ACER3: variants seen among roughly 807,000 people sequenced by gnomAD.
The protein encoded by ACER3 is alkCDase 3.
A neutral mutation model predicts 48.9 loss-of-function variants in ACER3; 16 were observed. That is an observed-to-expected ratio of 0.33 (90% CI 0.22 to 0.50). The LOEUF is 0.50. ACER3 is among the 20% of genes least tolerant of loss of function. The pLI is 0.98. For synonymous variants in ACER3, 109 were observed against 107.8 expected (o/e 1.01, Z -0.07); for missense variants, 227 against 326.0 (o/e 0.70, Z 2.34).
intron 2 of ACER3, among the ~76,000 whole-genome samples, chr11:76,946,356 C>T (rs991540610): frequency 6.6e-6 from 1 of 151,252 alleles, no homozygotes; most frequent in Non-Finnish European, 1.5e-5. Flanking sequence ...GTGGGGAGTA[C>T]GATCTGCTTG....
At chr11:76,861,249 G>A (rs1944930836) in intron 1 of ACER3, among the ~76,000 whole-genome samples, 170 bp downstream of exon 1, 1 of 151,370 alleles carries the variant, frequency 6.6e-6, no homozygotes. Context: ...AGCGGGCCGG[G>A]AGTCCAGTGT....
chr11:76,919,324 A>G (rs569644085), intron 1 of ACER3, among the ~76,000 whole-genome samples: 1 of 152,216 alleles, frequency 6.6e-6, no homozygotes, highest in East Asian at 1.9e-4. Flanking sequence ...CTTCATTCAC[A>G]ATTCTCTTAA....
intron 2 of ACER3, among the ~76,000 whole-genome samples, chr11:76,934,706 CGGG>C (rs1391200671): frequency 1.6e-5 from 2 of 124,344 alleles, no homozygotes; most frequent in African/African-American, 1.2e-4. Context: ...CGTGGGGAGA[CGGG>C]AGAGGGAGGG....
chr11:77,016,819 G>GT, intron 9 of ACER3, 40 bp downstream of exon 9: 8 of 1,094,166 alleles, frequency 7.3e-6, no homozygotes, highest in Non-Finnish European at 7.7e-6. Context: ...ACTAGAGTTT[G>GT]TTGTTTTTTT....
intron 6 of ACER3, 36 bp from the exon 7 acceptor site, chr11:76,998,727 A>T (rs979198659): frequency 1.1e-5 from 16 of 1,505,722 alleles, no homozygotes; most frequent in Non-Finnish European, 1.2e-5. Context: ...CCAAACAATA[A>T]TGATTGTACT....
chr11:76,868,295 C>A (rs543058137), intron 1 of ACER3: 1 of 1,271,464 alleles, frequency 7.9e-7, no homozygotes, highest in African/African-American at 1.5e-5. Flanking sequence ...CAAATTATAA[C>A]TCAAAAGTTC....
intron 1 of ACER3, among the ~76,000 whole-genome samples, chr11:76,868,917 G>A (rs1590856995): frequency 6.6e-6 from 1 of 152,228 alleles, no homozygotes; most frequent in East Asian, 1.9e-4. Context: ...ATGGTGCTGC[G>A]CTCCAAATCT....
intron 1 of ACER3, among the ~76,000 whole-genome samples, chr11:76,878,057 T>G (rs776796421): frequency 5.3e-5 from 8 of 152,084 alleles, no homozygotes; most frequent in Non-Finnish European, 5.9e-5. Flanking sequence ...TATGAATACA[T>G]TCATTTATCC....
intron 2 of ACER3, among the ~76,000 whole-genome samples, chr11:76,928,775 G>A (rs1475555581): frequency 3.3e-5 from 5 of 152,120 alleles, no homozygotes; most frequent in Non-Finnish European, 5.9e-5. Flanking sequence ...GGTTGTAGAT[G>A]TGTGGTATTA....
At chr11:76,972,628 A>C (rs981934305) in intron 3 of ACER3, among the ~76,000 whole-genome samples, 4 of 152,304 alleles carry the variant, frequency 2.6e-5, no homozygotes, top group Admixed American at 6.5e-5. Context: ...CTTTTCTGTG[A>C]CACCCTGATC....
At chr11:76,976,366 T>G (rs1288600182) in intron 4 of ACER3, 25 bp downstream of exon 4, 2 of 1,431,478 alleles carry the variant, frequency 1.4e-6, no homozygotes, top group Non-Finnish European at 1.9e-6. Flanking sequence ...AATTTCATTG[T>G]TTGATTTATT....
intron 2 of ACER3, among the ~76,000 whole-genome samples, chr11:76,928,684 G>A (rs1371890627): frequency 6.6e-6 from 1 of 152,172 alleles, no homozygotes; most frequent in Non-Finnish European, 1.5e-5. Flanking sequence ...CATATGGCTA[G>A]CCAGTTTCCC....
At chr11:76,868,135 C>G in intron 1 of ACER3, 1 of 1,289,754 alleles carries the variant, frequency 7.8e-7, no homozygotes, top group Non-Finnish European at 1.0e-6. Flanking sequence ...TTCCTACCAT[C>G]CTCCCTGAAG....
At chr11:76,986,159 G>T (rs937030859) in intron 5 of ACER3, among the ~76,000 whole-genome samples, 1 of 151,986 alleles carries the variant, frequency 6.6e-6, no homozygotes, top group Non-Finnish European at 1.5e-5. Flanking sequence ...CAAGTAAATT[G>T]CATTTTATAT....
chr11:76,882,633 T>C (rs138928548), intron 1 of ACER3, among the ~76,000 whole-genome samples: 159 of 152,346 alleles, frequency 1.0e-3, no homozygotes, highest in African/African-American at 3.6e-3. Flanking sequence ...TCAATTGATA[T>C]TCTTTTCTCG....
At chr11:76,989,909 C>A (rs1948763994) in intron 5 of ACER3, among the ~76,000 whole-genome samples, 1 of 152,146 alleles carries the variant, frequency 6.6e-6, no homozygotes, top group African/African-American at 2.4e-5. Context: ...GAACCTACAA[C>A]TAGGGTTTGT....
chr11:76,970,142 A>C (rs1033373262), intron 3 of ACER3, among the ~76,000 whole-genome samples: 1 of 152,084 alleles, frequency 6.6e-6, no homozygotes, highest in African/African-American at 2.4e-5. Context: ...AGTTGTGCCT[A>C]AACTCCAAAA....
At position 77,022,561 on chromosome 11, in the gene ACER3, T is replaced by C. The variant is rs1038715507; in HGVS notation, c.*2234T>C. 1.3e-5 allele frequency: 2 copies of C among 152,248 alleles called. No individual in the cohort carries two copies. Among genetic ancestry groups the C allele is most frequent in the Non-Finnish European group, 2.9e-5 (2 of 68,046 alleles). The allele number at this position is 152,248 out of a possible 1,614,324, so 9.4% of individuals were successfully genotyped here. On this transcript the variant is annotated 3_prime_UTR_variant, in exon 11 of 11. Coordinates refer to ENST00000532485, the MANE Select transcript of ACER3 (RefSeq NM_018367.7). ...AAGACTTTGTATCTGTGCAGCATTT[T>C]ATGGAAATCACTGGTGACCTATAGG... is the stretch of plus-strand genomic sequence containing the variant.
At chr11:76,936,144 G>A (rs1364927871) in intron 2 of ACER3, among the ~76,000 whole-genome samples, 1 of 152,196 alleles carries the variant, frequency 6.6e-6, no homozygotes, top group Non-Finnish European at 1.5e-5. Flanking sequence ...AAAGCAAGGA[G>A]GAGCAAGTCA....
Sources: gnomAD v4.1 joint callset for allele counts (sites outside exome capture counted in the v4.1 genomes callset) on GRCh38, gnomAD v4.1.1 for gene constraint, MANE v1.5 for transcripts, NCBI Gene and HGNC (gene_info 2026-07-23, HGNC 2026-07-21) for gene names.